LRRC4C: variants seen among roughly 807,000 people sequenced by gnomAD.
LRRC4C encodes leucine rich repeat containing 4C.
In LRRC4C, 5 loss-of-function variants were observed where a neutral mutation model predicts 33.6. The observed-to-expected ratio is 0.15, with a 90% CI of 0.08 to 0.31. The LOEUF (loss-of-function observed/expected upper bound fraction) is 0.31, where lower values mean the gene tolerates loss of function less well. Among genes scored for constraint, LRRC4C ranks in the 10% least tolerant of loss-of-function variants. The probability of loss-of-function intolerance (pLI) is 1.00; values close to 1 mark genes in which losing one functional copy is unlikely to be tolerated. For synonymous variants in LRRC4C, 329 were observed against 302.0 expected, an observed-to-expected ratio of 1.09 and a Z score of -0.93; for missense variants, 560 against 796.7, an observed-to-expected ratio of 0.70 and a Z score of 3.58.
intron 1 of LRRC4C, among the ~76,000 whole-genome samples, chr11:41,301,948 C>T (rs1418427101): frequency 6.6e-6 from 1 of 152,130 alleles, no homozygotes; most frequent in Non-Finnish European, 1.5e-5. Flanking sequence ...TTACTCTATA[C>T]CATTATTTTT....
At chr11:40,276,167 A>G (rs1025140374) in intron 4 of LRRC4C, among the ~76,000 whole-genome samples, 1 of 152,118 alleles carries the variant, frequency 6.6e-6, no homozygotes, top group Non-Finnish European at 1.5e-5. Context: ...TTGGAAGATA[A>G]ATAACGTGAT....
chr11:40,867,972 T>C (rs1954452134), intron 2 of LRRC4C, among the ~76,000 whole-genome samples: 2 of 152,180 alleles, frequency 1.3e-5, no homozygotes, highest in South Asian at 4.1e-4. Context: ...AAACTCATGT[T>C]AGCTCATGAA....
intron 1 of LRRC4C, among the ~76,000 whole-genome samples, chr11:41,048,071 T>C (rs1271950600): frequency 6.6e-6 from 1 of 152,204 alleles, no homozygotes; most frequent in Non-Finnish European, 1.5e-5. Context: ...CATGCTAAAA[T>C]GCTTGGCAGC....
intron 1 of LRRC4C, among the ~76,000 whole-genome samples, chr11:41,147,012 A>G (rs1384022428): frequency 6.6e-6 from 1 of 152,240 alleles, no homozygotes; most frequent in African/African-American, 2.4e-5. Flanking sequence ...CAGATCATGA[A>G]TGATTCCAGT....
intron 1 of LRRC4C, among the ~76,000 whole-genome samples, chr11:41,181,824 G>A (rs1945463575): frequency 6.6e-6 from 1 of 152,080 alleles, no homozygotes; most frequent in South Asian, 2.1e-4. Context: ...TTAAAAGCAA[G>A]TCTGATTCTA....
intron 3 of LRRC4C, among the ~76,000 whole-genome samples, chr11:40,613,858 C>T (rs1167992340): frequency 6.6e-6 from 1 of 151,810 alleles, no homozygotes; most frequent in Non-Finnish European, 1.5e-5. Context: ...AGGTGCATTG[C>T]TAATGAATGG....
intron 1 of LRRC4C, among the ~76,000 whole-genome samples, chr11:41,024,435 A>G (rs974684414): frequency 1.3e-5 from 2 of 151,696 alleles, no homozygotes; most frequent in South Asian, 2.1e-4. Flanking sequence ...TAAAGTTACT[A>G]AAGTGTTCCA....
chr11:40,531,728 A>C (rs1191026395), intron 3 of LRRC4C, among the ~76,000 whole-genome samples: 1 of 151,948 alleles, frequency 6.6e-6, no homozygotes, highest in Non-Finnish European at 1.5e-5. Context: ...AGATGAAACA[A>C]TGAGAGAGGA....
intron 1 of LRRC4C, among the ~76,000 whole-genome samples, chr11:41,214,460 G>T (rs545972845): frequency 6.6e-6 from 1 of 150,766 alleles, no homozygotes; most frequent in African/African-American, 2.4e-5. Flanking sequence ...ATGCAGGCGC[G>T]ATGGCTCACG....
At chr11:41,094,396 T>C (rs1940666640) in intron 1 of LRRC4C, among the ~76,000 whole-genome samples, 1 of 151,976 alleles carries the variant, frequency 6.6e-6, no homozygotes, top group East Asian at 2.0e-4. Flanking sequence ...TGGTGGCGTG[T>C]GCCTGTAGTC....
intron 2 of LRRC4C, among the ~76,000 whole-genome samples, chr11:40,809,932 T>C (rs1284493734): frequency 2.0e-5 from 3 of 152,192 alleles, no homozygotes; most frequent in African/African-American, 7.2e-5. Flanking sequence ...AAAATAATGG[T>C]TTGAAGTCAT....
chr11:40,238,313 G>T (rs1281404209), intron 5 of LRRC4C, among the ~76,000 whole-genome samples: 6 of 152,124 alleles, frequency 3.9e-5, no homozygotes, highest in Non-Finnish European at 8.8e-5. Flanking sequence ...TGTAAGTTTT[G>T]AATGTATTTC....
At chr11:40,212,450 C>T (rs1412923625) in intron 5 of LRRC4C, among the ~76,000 whole-genome samples, 2 of 138,534 alleles carry the variant, frequency 1.4e-5, no homozygotes, top group African/African-American at 5.2e-5. Context: ...AGGGCCCAGG[C>T]AAGACAAACA....
Position 40,212,958 on chromosome 11 carries a change from G to T in LRRC4C, c.-96+28561C>A, listed in dbSNP as rs1325536400. 9.9e-5 allele frequency among the ~76,000 whole-genome samples: 15 copies of T among 152,230 alleles called. No individual in the cohort carries two copies. In the East Asian group the frequency reaches 2.3e-3, roughly 24 times the overall value. ...TGCTAAATAAAGGAAACTAGAAAAT[G>T]ATTCCCAGGCTACCAAGAATGGGAA... is the stretch of plus-strand genomic sequence containing the variant. On this transcript the variant is annotated intron_variant, in intron 5 of 6. Transcript: ENST00000528697.
At chr11:41,078,578 G>T (rs1437910640) in intron 1 of LRRC4C, among the ~76,000 whole-genome samples, 3 of 152,102 alleles carry the variant, frequency 2.0e-5, no homozygotes, top group Non-Finnish European at 2.9e-5. Context: ...CAAAGGGGTA[G>T]GTGCCACATC....
chr11:41,005,148 G>A (rs142730823), intron 1 of LRRC4C, among the ~76,000 whole-genome samples: 1 of 152,242 alleles, frequency 6.6e-6, no homozygotes, highest in Non-Finnish European at 1.5e-5. Flanking sequence ...TATGCCTACT[G>A]ATATGGTTTG....
intron 1 of LRRC4C, among the ~76,000 whole-genome samples, chr11:40,934,003 T>C (rs1226350866): frequency 6.6e-6 from 1 of 152,202 alleles, no homozygotes; most frequent in Admixed American, 6.6e-5. Context: ...TATTGGACTG[T>C]TGAGTAAGAT....
intron 2 of LRRC4C, among the ~76,000 whole-genome samples, chr11:40,707,101 G>A (rs1946205677): frequency 1.3e-5 from 2 of 152,156 alleles, no homozygotes; most frequent in Non-Finnish European, 2.9e-5. Flanking sequence ...TCATCTTAAG[G>A]AGATTTTGGG....
chr11:40,541,088 C>A (rs190549086), intron 3 of LRRC4C, among the ~76,000 whole-genome samples: 108 of 152,140 alleles, frequency 7.1e-4, no homozygotes, highest in Admixed American at 1.8e-3. Flanking sequence ...ATGAGGCACA[C>A]AAAAAAACTT....
Sources: allele counts gnomAD v4.1 joint callset (sites outside exome capture counted in the v4.1 genomes callset), GRCh38; gene constraint gnomAD v4.1.1; transcripts MANE v1.5; gene names NCBI Gene and HGNC (gene_info 2026-07-23, HGNC 2026-07-21).